CAVIN1: variants seen among roughly 807,000 people sequenced by gnomAD.
CAVIN1 encodes caveolae associated protein 1, also known as caveolae-associated protein 1.
A neutral mutation model predicts 24.0 loss-of-function variants in CAVIN1; 16 were observed. That is an observed-to-expected ratio of 0.67 (90% CI 0.45 to 1.01). The LOEUF is 1.01. Among genes scored for constraint, CAVIN1 ranks in the 50% least tolerant of loss-of-function variants. The pLI is 0.00. For missense variants in CAVIN1, 510 were observed against 551.7 expected (o/e 0.92, Z 0.76); for synonymous variants, 256 against 256.4 (o/e 1.00, Z 0.02).
chr17:42,404,578 G>A lies in CAVIN1; in HGVS notation c.*109C>T. ...TGGAGTTCCTGGAGGTGTGGGGAGG[G>A]GGGCGTGTTTTCAATTTAGAAAAAT... On this transcript the variant is annotated 3_prime_UTR_variant, in exon 2 of 2. Coordinates refer to ENST00000357037, the MANE Select transcript of CAVIN1 (RefSeq NM_012232.6). 1.4e-6 allele frequency: 1 copy of A among 711,518 alleles called. No individual in the cohort carries two copies. The highest frequency in any genetic ancestry group is 3.4e-5 in the East Asian group (1 of 29,542). The allele number at this position is 711,518 out of a possible 1,614,324, so 44.1% of individuals were successfully genotyped here.
rs1359747389 is a variant in CAVIN1 at position 42,405,395 on chromosome 17, G to A, written c.472-7C>T. The A allele has an allele frequency of 6.2e-7, 1 of 1,602,662 alleles. No individual in the cohort carries two copies. The highest frequency in any genetic ancestry group is 1.7e-5 in the Admixed American group (1 of 60,018). On this transcript the variant is annotated splice_region_variant and splice_polypyrimidine_tract_variant and intron_variant, in intron 1 of 1. Transcript: ENST00000357037. ...CCGGCAGCTTCACTTCATCCTAAGG[G>A]AAGAGGAGAAGGGACATGAGAGGCG... is the stretch of plus-strand genomic sequence containing the variant.
chr17:42,403,889 C>G lies in CAVIN1; in HGVS notation c.*798G>C, dbSNP rs2085426302. The G allele has an allele frequency of 6.6e-6, 1 of 152,406 alleles. No individual in the cohort carries two copies. The highest frequency in any genetic ancestry group is 1.5e-5 in the Non-Finnish European group (1 of 68,140). 9.4% of individuals were successfully genotyped at this position (152,406 alleles called of 1,614,324 possible). On this transcript the variant is annotated 3_prime_UTR_variant, in exon 2 of 2. Transcript: ENST00000357037. ...CTCCTGACTTCAGGTGATCCGCCCA[C>G]CTCGGCCTCCCAAAGTGCTGGGGTT...
intron 1 of CAVIN1, among the ~76,000 whole-genome samples, chr17:42,409,209 T>A (rs1244835552): frequency 6.6e-6 from 1 of 151,944 alleles, no homozygotes; most frequent in Non-Finnish European, 1.5e-5. Flanking sequence ...CTAGTGATCC[T>A]CCCACCTCAG....
At chr17:42,411,890 T>C in intron 1 of CAVIN1, 1 of 985,438 alleles carries the variant, frequency 1.0e-6, no homozygotes, top group Non-Finnish European at 1.2e-6. Context: ...TCCTGAACTT[T>C]GCATAACGCC....
At chr17:42,414,445 T>C (rs12600758) in intron 1 of CAVIN1, among the ~76,000 whole-genome samples, 34,512 of 151,704 alleles carry the variant, frequency 0.23, 4,298 homozygotes, top group African/African-American at 0.33. Context: ...CTCTATGCTG[T>C]CCAACCTGGC....
chr17:42,405,744 T>C (rs984706225), intron 1 of CAVIN1, among the ~76,000 whole-genome samples: 1 of 146,524 alleles, frequency 6.8e-6, no homozygotes, highest in Non-Finnish European at 1.5e-5. Context: ...TGGAGTGCAG[T>C]GGGCGCGATC....
rs1371198558 is a variant in CAVIN1, at chr17:42,422,865, C to T, written c.233G>A (p.Arg78Gln). 6.2e-7 allele frequency: 1 copy of T among 1,613,988 alleles called. No homozygotes were observed. Among genetic ancestry groups the T allele is most frequent in the African/African-American group, 1.3e-5 (1 of 74,946 alleles). ...IQLTQAQLEE[R>Q]QAEMEGAVQS... is the part of the protein sequence containing the mutation. ...CACTGCGCCCTCCATCTCCGCCTGC[C>T]GCTCCTCCAGCTGTGCTTGAGTCAG... The change falls in exon 1 of 2, where the codon CGG becomes CAG. Residue 78 changes from arginine to glutamine, a missense_variant. Physicochemically the swap from Arg to Gln is conservative, Grantham distance 43. Coordinates refer to ENST00000357037, the MANE Select transcript of CAVIN1 (RefSeq NM_012232.6).
intron 1 of CAVIN1, among the ~76,000 whole-genome samples, chr17:42,407,652 GCT>G (rs936787721): frequency 1.3e-5 from 2 of 152,158 alleles, no homozygotes; most frequent in African/African-American, 4.8e-5. Context: ...GCCACCTCCA[GCT>G]CTCTGTTACC....
At position 42,402,636 on chromosome 17, in the gene CAVIN1, G is replaced by A. The variant is rs2085418400; in HGVS notation, c.*2051C>T. The A allele has an allele frequency of 6.8e-6, 1 of 147,916 alleles. No individual in the cohort carries two copies. Among genetic ancestry groups the A allele is most frequent in the Non-Finnish European group, 1.5e-5 (1 of 67,288 alleles). The allele number at this position is 147,916 out of a possible 1,614,324, so 9.2% of individuals were successfully genotyped here. ...GAGGGGTCTTCAGCCATTCAGAGGA[G>A]AGAAGAGAACCGAGAAAGGGAAAAG... is the stretch of plus-strand genomic sequence containing the variant. On this transcript the variant is annotated 3_prime_UTR_variant, in exon 2 of 2. Coordinates refer to ENST00000357037, the MANE Select transcript of CAVIN1 (RefSeq NM_012232.6).
chr17:42,406,374 T>TA (rs1731863359), intron 1 of CAVIN1, among the ~76,000 whole-genome samples: 3 of 123,486 alleles, frequency 2.4e-5, no homozygotes, highest in Non-Finnish European at 3.4e-5. Flanking sequence ...TCAAGCTATT[T>TA]CTTTTTTTTT....
chr17:42,417,711 G>A (rs1243699410), intron 1 of CAVIN1, among the ~76,000 whole-genome samples: 1 of 151,956 alleles, frequency 6.6e-6, no homozygotes, highest in Non-Finnish European at 1.5e-5. Flanking sequence ...ATTTTTTTGA[G>A]ACAGTCTTGC....
chr17:42,409,804 C>T (rs1456106146), intron 1 of CAVIN1, among the ~76,000 whole-genome samples: 1 of 152,054 alleles, frequency 6.6e-6, no homozygotes, highest in African/African-American at 2.4e-5. Flanking sequence ...AGCTCCTAAG[C>T]CAAAGGAAGG....
chr17:42,407,493 T>TC (rs1399425387), intron 1 of CAVIN1, among the ~76,000 whole-genome samples: 2 of 151,508 alleles, frequency 1.3e-5, no homozygotes, highest in African/African-American at 4.9e-5. Flanking sequence ...CCCATCAACA[T>TC]CCCCCCAGAG....
Position 42,404,956 on chromosome 17 carries a change from T to G in CAVIN1, c.904A>C (p.Thr302Pro). ...TSRDKLRKSF[T>P]PDHVVYARSK... Reference sequence around the variant, plus strand: ...CGCGCGTACACCACGTGGTCGGGCGTGAAGGATTTGCGCAACTTGTCCCGC... The same window carrying G: ...CGCGCGTACACCACGTGGTCGGGCGGGAAGGATTTGCGCAACTTGTCCCGC... The change falls in exon 2 of 2, where the codon ACG becomes CCG. Residue 302 changes from threonine to proline, a missense_variant. Physicochemically the swap from Thr to Pro is conservative, Grantham distance 38 (BLOSUM62 -1). Coordinates refer to ENST00000357037, the MANE Select transcript of CAVIN1 (RefSeq NM_012232.6). 6.2e-7 allele frequency: 1 copy of G among 1,614,032 alleles called. No homozygotes were observed.
In CAVIN1 at chr17:42,422,677, T is replaced by C. The variant is rs201698896; in HGVS notation, c.421A>G (p.Asn141Asp). 1 of 1,605,948 alleles carries C rather than the reference T, an allele frequency of 6.2e-7. No homozygotes were observed. Among genetic ancestry groups the C allele is most frequent in the South Asian group, 1.1e-5 (1 of 89,810 alleles). Reference sequence around the variant, plus strand: ...CGGCGCCGCAGCAGCTCGGCCTCGTTGACCTCCAGCTTCTTGATCTGCCCC... The same window carrying C: ...CGGCGCCGCAGCAGCTCGGCCTCGTCGACCTCCAGCTTCTTGATCTGCCCC... ...QAGQIKKLEVNEAELLRRRNF... is the reference protein window; with the variant it reads ...QAGQIKKLEVDEAELLRRRNF... Residue 141 changes from asparagine (N) to aspartate (D), a missense_variant, in exon 1 of 2, where the codon AAC becomes GAC. Coordinates refer to ENST00000357037, the MANE Select transcript of CAVIN1 (RefSeq NM_012232.6).
chr17:42,418,767 C>T (rs1340701502), intron 1 of CAVIN1, among the ~76,000 whole-genome samples: 4 of 152,074 alleles, frequency 2.6e-5, no homozygotes, highest in South Asian at 2.1e-4. Flanking sequence ...CTTGATATGA[C>T]GGATACTCTA....
At chr17:42,410,952 G>A (rs1011542445) in intron 1 of CAVIN1, among the ~76,000 whole-genome samples, 4 of 142,904 alleles carry the variant, frequency 2.8e-5, no homozygotes, top group African/African-American at 1.0e-4. Context: ...AGGGGTGGTG[G>A]CTCATGCCTG....
chr17:42,407,135 C>G (rs1396834829), intron 1 of CAVIN1, among the ~76,000 whole-genome samples: 1 of 149,268 alleles, frequency 6.7e-6, no homozygotes, highest in Non-Finnish European at 1.5e-5. Context: ...ATTTCAGAAT[C>G]TCTGGATCAC....
rs1283817019 is a variant in CAVIN1, at chr17:42,405,120, C to T, written c.740G>A (p.Arg247His). 8.1e-6 allele frequency: 13 copies of T among 1,613,734 alleles called. No homozygotes were observed. The highest frequency in any genetic ancestry group is 5.3e-5 in the African/African-American group (4 of 74,820). Residue 247 changes from arginine (R) to histidine (H), a missense_variant, in exon 2 of 2, where the codon CGT becomes CAT. Arg to His is a conservative substitution (Grantham distance 29). Transcript: ENST00000357037. ...CGTCTTCTCCAGGTTCTCGCGGGTA[C>T]GCACCTTGGTCTTCTCCATCTTCTC... ...SKEKMEKTKVRTRENLEKTRL... is the reference protein window; with the variant it reads ...SKEKMEKTKVHTRENLEKTRL...
Sources: allele counts gnomAD v4.1 joint callset (sites outside exome capture counted in the v4.1 genomes callset), GRCh38; gene constraint gnomAD v4.1.1; transcripts MANE v1.5; gene names NCBI Gene and HGNC (gene_info 2026-07-23, HGNC 2026-07-21).